The following PDE8B variants were observed in gnomAD, a reference collection of about 807,000 sequenced individuals.
The protein encoded by PDE8B is high affinity cAMP-specific and IBMX-insensitive 3',5'-cyclic phosphodiesterase 8B.
PDE8B carries 26 observed loss-of-function variants against 101.3 expected under a neutral mutation model. The observed-to-expected ratio is 0.26, with a 90% CI of 0.19 to 0.36. The LOEUF (loss-of-function observed/expected upper bound fraction) is 0.36. Among genes scored for constraint, PDE8B ranks in the 10% least tolerant of loss-of-function variants. The pLI is 1.00. For missense variants in PDE8B, 810 were observed against 1,163.1 expected, an observed-to-expected ratio of 0.70 and a Z score of 4.42; for synonymous variants, 424 against 429.3, an observed-to-expected ratio of 0.99 and a Z score of 0.15.
intron 5 of PDE8B, 26 bp downstream of exon 5, chr5:77,331,485 T>C: frequency 6.3e-7 from 1 of 1,579,526 alleles, no homozygotes; most frequent in Non-Finnish European, 8.7e-7. Flanking sequence ...CCAGCATCTC[T>C]CTCAGTTGCA....
At chr5:77,317,659 T>A (rs1774053786) in intron 2 of PDE8B, among the ~76,000 whole-genome samples, 1 of 152,202 alleles carries the variant, frequency 6.6e-6, no homozygotes, top group Non-Finnish European at 1.5e-5. Context: ...ATCAACATGA[T>A]ACTGTCTGAA....
the PDE8B span, among the ~76,000 whole-genome samples, chr5:77,116,087 C>T: frequency 1.3e-5 from 2 of 151,814 alleles, no homozygotes; most frequent in Non-Finnish European, 2.9e-5. Context: ...CAATGACGAA[C>T]TTGTTCCCTG....
chr5:77,400,906 A>AT (rs1226824661), intron 11 of PDE8B, among the ~76,000 whole-genome samples: 1 of 152,132 alleles, frequency 6.6e-6, no homozygotes, highest in African/African-American at 2.4e-5. Flanking sequence ...AGAAGTTAAG[A>AT]TTTTTGTGCC....
At chr5:77,133,486 T>C in the PDE8B span, among the ~76,000 whole-genome samples, 2 of 152,336 alleles carry the variant, frequency 1.3e-5, no homozygotes, top group East Asian at 3.9e-4. Context: ...ATCTAATTGG[T>C]ATTAGAAATT....
intron 10 of PDE8B, among the ~76,000 whole-genome samples, chr5:77,372,522 T>C (rs1428778099): frequency 6.6e-6 from 1 of 152,242 alleles, no homozygotes; most frequent in African/African-American, 2.4e-5. Flanking sequence ...AAATGTATGA[T>C]AGAATTCACC....
chr5:77,291,828 A>C, intron 1 of PDE8B: 1 of 1,543,324 alleles, frequency 6.5e-7, no homozygotes, highest in South Asian at 1.1e-5. Flanking sequence ...AACATCCCTT[A>C]ATTTGAGGTG....
the PDE8B span, among the ~76,000 whole-genome samples, chr5:77,195,242 C>T: frequency 1.3e-5 from 2 of 152,172 alleles, no homozygotes; most frequent in Non-Finnish European, 2.9e-5. Context: ...CAAGAGAGAT[C>T]GAACTTAGCC....
At chr5:77,293,000 C>G (rs931168326) in intron 1 of PDE8B, among the ~76,000 whole-genome samples, 3 of 151,830 alleles carry the variant, frequency 2.0e-5, no homozygotes, top group African/African-American at 4.8e-5. Flanking sequence ...AAATTTTAAT[C>G]TATCTGGAAG....
the PDE8B span, chr5:77,180,446 C>T: frequency 7.1e-6 from 7 of 985,286 alleles, no homozygotes; most frequent in Non-Finnish European, 8.4e-6. Flanking sequence ...CCGCCCGCCG[C>T]CGGCATGGAC....
chr5:77,224,995 A>G (rs1009806845), intron 1 of PDE8B, among the ~76,000 whole-genome samples: 4 of 152,022 alleles, frequency 2.6e-5, no homozygotes, highest in Non-Finnish European at 5.9e-5. Context: ...CTTTATAGGT[A>G]GTGTCATGGA....
chr5:77,405,504 A>G (rs1400400016), intron 12 of PDE8B, among the ~76,000 whole-genome samples: 1 of 152,192 alleles, frequency 6.6e-6, no homozygotes, highest in Non-Finnish European at 1.5e-5. Context: ...ACTCGGGGCT[A>G]TAGATGTGGA....
At chr5:77,374,678 C>T (rs898631159) in intron 10 of PDE8B, among the ~76,000 whole-genome samples, 8 of 152,128 alleles carry the variant, frequency 5.3e-5, no homozygotes, top group South Asian at 2.1e-4. Context: ...AGTTCTCATA[C>T]GTTATAAATC....
intron 1 of PDE8B, among the ~76,000 whole-genome samples, chr5:77,256,149 A>ATTT (rs1177976685): frequency 6.6e-6 from 1 of 152,222 alleles, no homozygotes; most frequent in Non-Finnish European, 1.5e-5. Context: ...TGTAAAAGCA[A>ATTT]TTTGTATTTT....
At chr5:77,212,733 T>C (rs1748768090) in intron 1 of PDE8B, among the ~76,000 whole-genome samples, 1 of 152,198 alleles carries the variant, frequency 6.6e-6, no homozygotes, top group Non-Finnish European at 1.5e-5. Flanking sequence ...TATACTTTGC[T>C]TTTGTCAAGC....
intron 10 of PDE8B, among the ~76,000 whole-genome samples, chr5:77,378,967 T>G (rs1554093446): frequency 6.6e-6 from 1 of 151,922 alleles, no homozygotes; most frequent in Non-Finnish European, 1.5e-5. Context: ...TGAAAGACAT[T>G]AGAGAGAAAC....
the PDE8B span, among the ~76,000 whole-genome samples, chr5:77,152,581 A>T: frequency 1.3e-5 from 2 of 152,200 alleles, no homozygotes; most frequent in Non-Finnish European, 2.9e-5. Context: ...TGTTGGACTT[A>T]CATGTGGGTG....
chr5:77,234,260 G>A (rs1754222871), intron 1 of PDE8B, among the ~76,000 whole-genome samples: 2 of 152,136 alleles, frequency 1.3e-5, no homozygotes, highest in Non-Finnish European at 2.9e-5. Flanking sequence ...TTGACCTTCT[G>A]TAGGGAATGT....
chr5:77,290,361 G>A (rs374169394), intron 1 of PDE8B: 4 of 1,409,972 alleles, frequency 2.8e-6, no homozygotes, highest in South Asian at 2.3e-5. Context: ...TGGAAGCTGG[G>A]GAGGCCGGGG....
intron 20 of PDE8B, among the ~76,000 whole-genome samples, chr5:77,423,637 T>G (rs335641): frequency 0.032 from 2,620 of 82,734 alleles, 72 homozygotes; most frequent in East Asian, 0.096. Context: ...GTTTAGTTTT[T>G]TTTTTTTTTT....
Sources: gnomAD v4.1 joint callset for allele counts (sites outside exome capture counted in the v4.1 genomes callset) on GRCh38, gnomAD v4.1.1 for gene constraint, MANE v1.5 for transcripts, NCBI Gene and HGNC (gene_info 2026-07-23, HGNC 2026-07-21) for gene names.